PPP1CB: variants seen among roughly 807,000 people sequenced by gnomAD.
PPP1CB encodes protein phosphatase 1 catalytic subunit beta, also known as serine/threonine-protein phosphatase PP1-beta catalytic subunit.
PPP1CB carries 2 observed loss-of-function variants against 43.7 expected under a neutral mutation model. That is an observed-to-expected ratio of 0.05 (90% CI 0.02 to 0.14). PPP1CB has a LOEUF of 0.14. Ranked by LOEUF, PPP1CB falls within the 10% of genes least tolerant of loss-of-function variation. The probability of loss-of-function intolerance (pLI) is 1.00; values close to 1 mark genes in which losing one functional copy is unlikely to be tolerated. For missense variants in PPP1CB, 84 were observed against 398.0 expected (o/e 0.21, Z 6.71); for synonymous variants, 136 against 135.6 (o/e 1.00, Z -0.02).
At chr2:28,789,352 T>A (rs1405073466) in intron 6 of PPP1CB, among the ~76,000 whole-genome samples, 6 of 151,438 alleles carry the variant, frequency 4.0e-5, no homozygotes, top group African/African-American at 1.5e-4. Flanking sequence ...ACAAAAAAAA[T>A]CAAAAATTTA....
At chr2:28,764,484 C>T (rs1666737147) in intron 1 of PPP1CB, among the ~76,000 whole-genome samples, 1 of 151,744 alleles carries the variant, frequency 6.6e-6, no homozygotes, top group Non-Finnish European at 1.5e-5. Context: ...AGAGAGACTC[C>T]ACATTTTAGC....
Position 28,801,471 on chromosome 2 carries a change from C to T in PPP1CB, c.*2168C>T, listed in dbSNP as rs1667614741. On this transcript the variant is annotated 3_prime_UTR_variant, in exon 8 of 8. Transcript: ENST00000395366. ...TAAAGACTAAATGTGAAAAAATAAT[C>T]ACTACTTAAGCTAATTAATATTGGT... 6.7e-6 allele frequency: 1 copy of T among 149,628 alleles called. No homozygotes were observed. 9.3% of individuals were successfully genotyped at this position (149,628 alleles called of 1,614,324 possible).
intron 2 of PPP1CB, among the ~76,000 whole-genome samples, chr2:28,777,570 T>G (rs1166041158): frequency 1.3e-5 from 2 of 152,242 alleles, no homozygotes; most frequent in East Asian, 3.8e-4. Context: ...CTTTTAAGTT[T>G]TACAGTGACT....
chr2:28,768,039 A>G (rs1666821245), intron 1 of PPP1CB, among the ~76,000 whole-genome samples: 1 of 152,188 alleles, frequency 6.6e-6, no homozygotes, highest in Admixed American at 6.5e-5. Context: ...GTCCTTGACA[A>G]GTCATTCCTC....
chr2:28,771,146 T>G (rs1349122233), intron 1 of PPP1CB, among the ~76,000 whole-genome samples: 1 of 149,028 alleles, frequency 6.7e-6, no homozygotes, highest in East Asian at 2.1e-4. Context: ...CTCTGTCTCT[T>G]GGGTTCAAGC....
At chr2:28,790,285 AAAAG>A (rs1334934198) in intron 6 of PPP1CB, among the ~76,000 whole-genome samples, 2 of 152,108 alleles carry the variant, frequency 1.3e-5, no homozygotes, top group Admixed American at 6.5e-5. Flanking sequence ...CAGTCTCAAA[AAAAG>A]AGAACATTTG....
chr2:28,771,882 C>A (rs1333004859), intron 1 of PPP1CB, among the ~76,000 whole-genome samples: 2 of 149,762 alleles, frequency 1.3e-5, no homozygotes, highest in African/African-American at 4.9e-5. Flanking sequence ...GATTTAAATT[C>A]ATTAAAGAAC....
At chr2:28,754,822 G>A (rs1666444933) in intron 1 of PPP1CB, among the ~76,000 whole-genome samples, 2 of 152,272 alleles carry the variant, frequency 1.3e-5, no homozygotes, top group East Asian at 1.9e-4. Context: ...TCAAATGAAC[G>A]TGTAAGTAAA....
intron 5 of PPP1CB, among the ~76,000 whole-genome samples, chr2:28,786,967 T>A (rs1408143176): frequency 6.6e-6 from 1 of 152,036 alleles, no homozygotes; most frequent in Non-Finnish European, 1.5e-5. Flanking sequence ...GTGAATTTCT[T>A]AAAACAACAT....
At chr2:28,761,624 G>C (rs1428971065) in intron 1 of PPP1CB, among the ~76,000 whole-genome samples, 2 of 152,220 alleles carry the variant, frequency 1.3e-5, no homozygotes, top group African/African-American at 4.8e-5. Flanking sequence ...TTTCTTGTAA[G>C]TATGTGACAG....
In PPP1CB at chr2:28,758,482, G is replaced by A. The variant is rs371606968; in HGVS notation, c.52+6306G>A. Among the ~76,000 whole-genome samples the A allele has an allele frequency of 5.1e-4, 77 of 152,312 alleles. No individual in the cohort carries two copies. In the South Asian group the frequency reaches 0.013, roughly 26 times the overall value. ...GTGGTGTGGTAGATGGGGATTCCCAGTGGAGTCTTCTAGGATTTGTGATTG... is the reference window on the plus strand; with the variant it reads ...GTGGTGTGGTAGATGGGGATTCCCAATGGAGTCTTCTAGGATTTGTGATTG... On this transcript the variant is annotated intron_variant, in intron 1 of 7. Coordinates refer to ENST00000395366, the MANE Select transcript of PPP1CB (RefSeq NM_002709.3).
At chr2:28,784,742 A>G (rs1667223723) in intron 5 of PPP1CB, among the ~76,000 whole-genome samples, 2 of 151,768 alleles carry the variant, frequency 1.3e-5, no homozygotes, top group South Asian at 4.2e-4. Flanking sequence ...AACGTGATGA[A>G]ACCCCATCTC....
At chr2:28,774,143 T>C (rs1572455232) in intron 1 of PPP1CB, among the ~76,000 whole-genome samples, 1 of 152,334 alleles carries the variant, frequency 6.6e-6, no homozygotes, top group Admixed American at 6.5e-5. Context: ...GTGAAAATTA[T>C]ACAGAGGGAA....
intron 1 of PPP1CB, among the ~76,000 whole-genome samples, chr2:28,766,484 C>A (rs546835344): frequency 6.6e-6 from 1 of 152,228 alleles, no homozygotes; most frequent in South Asian, 2.1e-4. Context: ...ACTTTACCAT[C>A]ATCAGTTGTG....
At chr2:28,780,152 G>A (rs1016576939) in intron 3 of PPP1CB, among the ~76,000 whole-genome samples, 1 of 139,996 alleles carries the variant, frequency 7.1e-6, no homozygotes, top group Non-Finnish European at 1.5e-5. Context: ...GCAATGGCAC[G>A]ATCTCAGCTC....
intron 1 of PPP1CB, among the ~76,000 whole-genome samples, chr2:28,775,664 A>G (rs960236739): frequency 6.6e-6 from 1 of 152,160 alleles, no homozygotes; most frequent in Non-Finnish European, 1.5e-5. Context: ...GGGGCAAGCT[A>G]CTGCTCCCAG....
chr2:28,758,181 G>A (rs566701561), intron 1 of PPP1CB, among the ~76,000 whole-genome samples: 12 of 151,424 alleles, frequency 7.9e-5, no homozygotes. Flanking sequence ...AAGTAGCTGG[G>A]ACCACAGGCA....
intron 1 of PPP1CB, among the ~76,000 whole-genome samples, chr2:28,760,892 A>C (rs1224321864): frequency 6.6e-6 from 1 of 152,154 alleles, no homozygotes; most frequent in Non-Finnish European, 1.5e-5. Flanking sequence ...CTAGCGAGAC[A>C]AAAAGACCAG....
intron 2 of PPP1CB, 158 bp downstream of exon 2, chr2:28,777,140 C>A: frequency 1.5e-6 from 1 of 671,248 alleles, no homozygotes. Context: ...ATAAAAATGA[C>A]AAGTTACAGA....
Sources: allele counts gnomAD v4.1 joint callset (sites outside exome capture counted in the v4.1 genomes callset), GRCh38; gene constraint gnomAD v4.1.1; transcripts MANE v1.5; gene names NCBI Gene and HGNC (gene_info 2026-07-23, HGNC 2026-07-21).